The following PADI2 variants were observed in gnomAD, a reference collection of about 807,000 sequenced individuals.
The protein encoded by PADI2 is peptidyl arginine deiminase 2, also known as protein-arginine deiminase type-2.
Under a neutral mutation model 81.1 loss-of-function variants are expected in PADI2, and 70 were observed. That is an observed-to-expected ratio of 0.86 (90% confidence interval 0.71 to 1.05). The LOEUF (loss-of-function observed/expected upper bound fraction) is 1.05, where lower values mean the gene tolerates loss of function less well. PADI2 is among the 50% of genes least tolerant of loss of function. The probability of loss-of-function intolerance (pLI) is 0.00; values close to 1 mark genes in which losing one functional copy is unlikely to be tolerated. For synonymous variants in PADI2, 338 were observed against 358.0 expected, an observed-to-expected ratio of 0.94 and a Z score of 0.63; for missense variants, 853 against 889.9, an observed-to-expected ratio of 0.96 and a Z score of 0.53.
chr1:17,099,660 A>G (rs1931071190), intron 3 of PADI2, among the ~76,000 whole-genome samples: 1 of 152,196 alleles, frequency 6.6e-6, no homozygotes, highest in Non-Finnish European at 1.5e-5. Flanking sequence ...AGAAGGAGAG[A>G]CCATACATTT....
chr1:17,078,312 T>C (rs2101578010), intron 11 of PADI2, among the ~76,000 whole-genome samples: 1 of 152,200 alleles, frequency 6.6e-6, no homozygotes, highest in Non-Finnish European at 1.5e-5. Context: ...GATTTTTCCA[T>C]GTTGGTCAGG....
At chr1:17,089,669 T>G (rs72897604) in intron 6 of PADI2, among the ~76,000 whole-genome samples, 77 of 152,312 alleles carry the variant, frequency 5.1e-4, no homozygotes, top group African/African-American at 1.8e-3. Flanking sequence ...GACTGATTTC[T>G]TGGTGGGAAC....
In PADI2 at chr1:17,082,520, C is replaced by A. The variant is rs1284170921; in HGVS notation, c.1158+25G>T. 5.0e-6 allele frequency: 7 copies of A among 1,407,350 alleles called. No individual in the cohort carries two copies. The South Asian group carries it at 8.1e-5, about 16-fold the overall frequency. The allele number at this position is 1,407,350 out of a possible 1,614,324, so 87.2% of individuals were successfully genotyped here. On this transcript the variant is annotated intron_variant, in intron 10 of 15. Coordinates refer to ENST00000375486, the MANE Select transcript of PADI2 (RefSeq NM_007365.3). ...GAGAATCTCCAGGATCATGCTCCAC[C>A]CGCAAGTGGCCCTCAGCATCTTACC...
intron 11 of PADI2, 122 bp downstream of exon 11, chr1:17,079,142 T>C (rs943951429): frequency 2.6e-6 from 2 of 755,926 alleles, no homozygotes; most frequent in Admixed American, 5.2e-5. Context: ...TAACAGGAAG[T>C]CGTGGGAGGG....
At position 17,119,155 on chromosome 1, in the gene PADI2, C is replaced by A; in HGVS notation, c.92+125G>T. 1 of 632,850 alleles carries A rather than the reference C, an allele frequency of 1.6e-6. No homozygotes were observed. Among genetic ancestry groups the A allele is most frequent in the East Asian group, 3.5e-5 (1 of 28,940 alleles). 39.2% of individuals were successfully genotyped at this position (632,850 alleles called of 1,614,324 possible). ...GGATGAGATTCTTAGGATTTCTGGG[C>A]TCGGGGGCTCGGGATGAGGGACAAC... is the stretch of plus-strand genomic sequence containing the variant. On this transcript the variant is annotated intron_variant, in intron 1 of 15. Coordinates refer to ENST00000375486, the MANE Select transcript of PADI2 (RefSeq NM_007365.3). This position sits in a 1 kb window ranked among gnomAD's most constrained non-coding sequence, Gnocchi z 4.8.
intron 6 of PADI2, among the ~76,000 whole-genome samples, chr1:17,087,128 A>C (rs1930501239): frequency 6.6e-6 from 1 of 152,186 alleles, no homozygotes; most frequent in Non-Finnish European, 1.5e-5. Context: ...ATTCAAGTCG[A>C]ATTCTGAATC....
chr1:17,090,318 G>A (rs549672628), intron 6 of PADI2, among the ~76,000 whole-genome samples: 5 of 152,298 alleles, frequency 3.3e-5, no homozygotes, highest in African/African-American at 4.8e-5. Context: ...CCCATGCCAC[G>A]TCAGAGATGA....
In PADI2 at chr1:17,069,108, A is replaced by T; in HGVS notation, c.1934T>A (p.Val645Asp). The change falls in exon 16 of 16, where the codon GTC becomes GAC. Residue 645 changes from valine (V) to aspartate (D), a missense_variant. Physicochemically the swap from Val to Asp is radical, Grantham distance 152. Transcript: ENST00000375486. ...ISAYHKFLGE[V>D]HCGTNVRRKP... Reference sequence around the variant, plus strand: ...CCTGCGGACGTTGGTGCCACAGTGGACTTCCCCCAGAAATTTGTGGTAGGC... The same window carrying T: ...CCTGCGGACGTTGGTGCCACAGTGGTCTTCCCCCAGAAATTTGTGGTAGGC... 1 of 1,614,196 alleles carries T rather than the reference A, an allele frequency of 6.2e-7. No homozygotes were observed. The highest frequency in any genetic ancestry group is 8.5e-7 in the Non-Finnish European group (1 of 1,180,028).
chr1:17,075,071 G>A lies in PADI2; in HGVS notation c.1456-122C>T, dbSNP rs2078292028. On this transcript the variant is annotated intron_variant, in intron 12 of 15. Transcript: ENST00000375486. ...CATTGCCTCAGGCCTCCCATGCCGA[G>A]TGGCAAAGGCTGACGGGGAGGGTGT... 4 of 593,140 alleles carry A rather than the reference G, an allele frequency of 6.7e-6. No individual in the cohort carries two copies. The Admixed American group carries it at 1.2e-4, about 17-fold the overall frequency. The allele number at this position is 593,140 out of a possible 1,614,324, so 36.7% of individuals were successfully genotyped here.
chr1:17,070,331 C>A (rs1557755816), intron 14 of PADI2, 115 bp from the exon 15 acceptor site: 1 of 1,356,098 alleles, frequency 7.4e-7, no homozygotes, highest in Admixed American at 2.0e-5. Flanking sequence ...TCCAGAGAGA[C>A]TTCTAGCAGT....
rs1007257162 is a variant in PADI2, at chr1:17,115,640, C to T, written c.92+3640G>A. On this transcript the variant is annotated intron_variant, in intron 1 of 15. Coordinates refer to ENST00000375486, the MANE Select transcript of PADI2 (RefSeq NM_007365.3). This position sits in a 1 kb window ranked among gnomAD's most constrained non-coding sequence, Gnocchi z 4.1. ...GGTGGGTGGCCAGGATGGAACCAAC[C>T]TAGGGACTCCCTCTGTGCTCTCTTT... is the stretch of plus-strand genomic sequence containing the variant. Among the ~76,000 whole-genome samples the T allele has an allele frequency of 4.6e-5, 7 of 152,160 alleles. No homozygotes were observed. Among genetic ancestry groups the T allele is most frequent in the Admixed American group, 2.0e-4 (3 of 15,286 alleles).
intron 1 of PADI2, among the ~76,000 whole-genome samples, chr1:17,108,629 G>A (rs1268351086): frequency 3.9e-5 from 6 of 151,996 alleles, no homozygotes; most frequent in Non-Finnish European, 8.8e-5. Flanking sequence ...AAGGTAAGCC[G>A]TTCCCAAGGA....
intron 11 of PADI2, among the ~76,000 whole-genome samples, chr1:17,077,434 C>T (rs2078311720): frequency 6.6e-6 from 1 of 152,036 alleles, no homozygotes; most frequent in Non-Finnish European, 1.5e-5. Context: ...TCTTTAAGGG[C>T]CGCCCCTGAG....
At position 17,087,492 on chromosome 1, in the gene PADI2, G is replaced by GTTTATTTATTTATTTA. The variant is rs138753770; in HGVS notation, c.656-809_656-794dup. ...ACAGTCTTTTTATGTTTGTTTGTTT[G>GTTTATTTATTTATTTA]TTTATTTATTTATTTATTTATTTTT... On this transcript the variant is annotated intron_variant, in intron 6 of 15. Transcript: ENST00000375486. Among the ~76,000 whole-genome samples the GTTTATTTATTTATTTA allele has an allele frequency of 5.7e-4, 84 of 148,306 alleles. No homozygotes were observed. In the South Asian group the frequency reaches 5.7e-3, roughly 10 times the overall value.
chr1:17,079,026 C>T (rs953196825), intron 11 of PADI2: 2 of 370,766 alleles, frequency 5.4e-6, no homozygotes, highest in African/African-American at 2.1e-5. Flanking sequence ...CATTATACAC[C>T]TTTCCACTTG....
In PADI2 at chr1:17,070,797, G is replaced by A. The variant is rs1177397940; in HGVS notation, c.1636-581C>T. ...CTGCCTCAGCCTCCCAAGTAGCTGG[G>A]ATTATAGGCGCCTGCCACCACGCCA... On this transcript the variant is annotated intron_variant, in intron 14 of 15. Transcript: ENST00000375486. 2.0e-5 allele frequency among the ~76,000 whole-genome samples: 3 copies of A among 152,100 alleles called. 1 individual carries two copies. The highest frequency in any genetic ancestry group is 7.2e-5 in the African/African-American group (3 of 41,404).
intron 6 of PADI2, among the ~76,000 whole-genome samples, chr1:17,090,305 A>G (rs981727433): frequency 6.6e-6 from 1 of 151,970 alleles, no homozygotes; most frequent in African/African-American, 2.4e-5. Flanking sequence ...AACTCTTACT[A>G]CTCCCATGCC....
At position 17,067,720 on chromosome 1, in the gene PADI2, A is replaced by G. The variant is rs1333193864; in HGVS notation, c.*1324T>C. The G allele has an allele frequency of 1.3e-5, 2 of 152,254 alleles. No individual in the cohort carries two copies. The highest frequency in any genetic ancestry group is 2.4e-5 in the African/African-American group (1 of 41,468). The allele number at this position is 152,254 out of a possible 1,614,324, so 9.4% of individuals were successfully genotyped here. A position where few individuals can be genotyped will look rare whatever the true frequency, so the allele number is the denominator to read the frequency against. ...CCGTGCCTGGCGCTTAGTGGCATAC[A>G]ACAAATGTTTGTTGAATGGTTGAAG... On this transcript the variant is annotated 3_prime_UTR_variant, in exon 16 of 16. Transcript: ENST00000375486.
chr1:17,097,640 G>A (rs866633314), intron 3 of PADI2, among the ~76,000 whole-genome samples: 10 of 152,258 alleles, frequency 6.6e-5, no homozygotes, highest in African/African-American at 1.9e-4. Context: ...CATTGCTCTC[G>A]TTTCACAGGG....
Sources: allele counts gnomAD v4.1 joint callset (sites outside exome capture counted in the v4.1 genomes callset), GRCh38; gene constraint gnomAD v4.1.1; non-coding constraint Gnocchi (gnomAD v3.1); transcripts MANE v1.5; gene names NCBI Gene and HGNC (gene_info 2026-07-23, HGNC 2026-07-21).